The following COPS8 variants were observed in gnomAD, a reference collection of about 807,000 sequenced individuals.
COPS8 encodes COP9 signalosome complex subunit 8.
Under a neutral mutation model 31.5 loss-of-function variants are expected in COPS8, and 11 were observed. The observed-to-expected ratio is 0.35, with a 90% CI of 0.22 to 0.58. COPS8 has a LOEUF of 0.58. COPS8 is among the 20% of genes least tolerant of loss of function. The pLI is 0.83. For missense variants in COPS8, 215 were observed against 255.1 expected (o/e 0.84, Z 1.07); for synonymous variants, 81 against 89.3 (o/e 0.91, Z 0.52).
At position 237,097,778 on chromosome 2, in the gene COPS8, C is replaced by A; in HGVS notation, c.*36C>A. 1.4e-6 allele frequency: 2 copies of A among 1,450,756 alleles called. No homozygotes were observed. Among genetic ancestry groups the A allele is most frequent in the Non-Finnish European group, 9.7e-7 (1 of 1,035,242 alleles). 89.9% of individuals were successfully genotyped at this position (1,450,756 alleles called of 1,614,324 possible). ...TGAGTTCAAGATTCATCTTCAGAAT[C>A]CTGTATACTGACAAACGTAGAAATG... is the stretch of plus-strand genomic sequence containing the variant. On this transcript the variant is annotated 3_prime_UTR_variant, in exon 8 of 8. Coordinates refer to ENST00000354371, the MANE Select transcript of COPS8 (RefSeq NM_006710.5).
At chr2:237,095,510 T>G (rs548707818) in intron 5 of COPS8, among the ~76,000 whole-genome samples, 5 of 152,324 alleles carry the variant, frequency 3.3e-5, no homozygotes, top group Admixed American at 2.6e-4. Flanking sequence ...AGGCGCCATA[T>G]CAGTTTTCCT....
At chr2:237,096,311 C>G (rs1437243295) in intron 6 of COPS8, among the ~76,000 whole-genome samples, 1 of 152,178 alleles carries the variant, frequency 6.6e-6, no homozygotes, top group Non-Finnish European at 1.5e-5. Flanking sequence ...GTTAACTTCT[C>G]TAGCCCTCCT....
chr2:237,095,843 A>G lies in COPS8; in HGVS notation c.461A>G (p.Gln154Arg). ...AVKGILEQGW[Q>R]ADSTTRMVLP... ...TTAGGCATATTAGAACAAGGATGGC[A>G]AGCTGATTCCACCACAAGAATGGTT... Residue 154 changes from glutamine (Q) to arginine (R), a missense_variant, in exon 6 of 8, where the codon CAA (glutamine) becomes CGA (arginine). Coordinates refer to ENST00000354371, the MANE Select transcript of COPS8 (RefSeq NM_006710.5). 2 of 1,613,270 alleles carry G rather than the reference A, an allele frequency of 1.2e-6. No individual in the cohort carries two copies. Among genetic ancestry groups the G allele is most frequent in the Non-Finnish European group, 1.7e-6 (2 of 1,179,218 alleles).
chr2:237,086,014 T>C lies in COPS8; in HGVS notation c.50T>C (p.Leu17Pro). Residue 17 changes from leucine to proline, a missense_variant, in exon 1 of 8, where the codon CTG becomes CCG. By Grantham distance (98) the Leu-to-Pro change is moderately conservative. Coordinates refer to ENST00000354371, the MANE Select transcript of COPS8 (RefSeq NM_006710.5). ...AGCGCCTTTAGTTTCAAAAAGTTGC[T>C]GGATCAGTGCGAGAACCAGGAGCTC... The part of the protein sequence containing the change: ...AESAFSFKKL[L>P]DQCENQELEA... 6.2e-7 allele frequency: 1 copy of C among 1,613,868 alleles called. No homozygotes were observed. Among genetic ancestry groups the C allele is most frequent in the Non-Finnish European group, 8.5e-7 (1 of 1,179,834 alleles).
rs113189693 is a variant in COPS8, at chr2:237,092,786, A to T, written c.332-1304A>T. ...TGTCGGGCTCAGATGAGGGGAAGGGATGGGAGTGTCGGCAGTTTTTAAGGA... is the reference window on the plus strand; with the variant it reads ...TGTCGGGCTCAGATGAGGGGAAGGGTTGGGAGTGTCGGCAGTTTTTAAGGA... On this transcript the variant is annotated intron_variant, in intron 4 of 7. Transcript: ENST00000354371. 8.2e-3 allele frequency among the ~76,000 whole-genome samples: 1,255 copies of T among 152,178 alleles called. 9 individuals are homozygous for T. Among genetic ancestry groups the T allele is most frequent in the South Asian group, 0.017 (82 of 4,812 alleles).
rs1696835367 is a variant in COPS8 at position 237,098,007 on chromosome 2, C to T, written c.*265C>T. On this transcript the variant is annotated 3_prime_UTR_variant, in exon 8 of 8. Coordinates refer to ENST00000354371, the MANE Select transcript of COPS8 (RefSeq NM_006710.5). ...AGTATTACAGTTAGTTTTCTAGTGA[C>T]TCATAAAATAAGATTTCCTGTTTCA... The T allele has an allele frequency of 3.3e-6, 1 of 304,228 alleles. No individual in the cohort carries two copies. Among genetic ancestry groups the T allele is most frequent in the African/African-American group, 2.2e-5 (1 of 46,046 alleles). The allele number at this position is 304,228 out of a possible 1,614,324, so 18.8% of individuals were successfully genotyped here. A position where few individuals can be genotyped will look rare whatever the true frequency, so the allele number is the denominator to read the frequency against.
chr2:237,090,906 G>A lies in COPS8; in HGVS notation c.331+912G>A, dbSNP rs149637876. 9.2e-3 allele frequency among the ~76,000 whole-genome samples: 1,403 copies of A among 152,340 alleles called. 11 individuals carry two copies. The highest frequency in any genetic ancestry group is 0.013 in the Non-Finnish European group (913 of 68,026). On this transcript the variant is annotated intron_variant, in intron 4 of 7. Coordinates refer to ENST00000354371, the MANE Select transcript of COPS8 (RefSeq NM_006710.5). The stretch of plus-strand genomic sequence containing the variant: ...TAGATGGGAAGGGAGGAGTGTGGAA[G>A]AAGATTGCACAGGTACAGCAGGGGC...
Position 237,096,816 on chromosome 2 carries a change from A to G in COPS8, c.503-6A>G, listed in dbSNP as rs1409770077. The G allele has an allele frequency of 2.5e-6, 4 of 1,608,620 alleles. No homozygotes were observed. Among genetic ancestry groups the G allele is most frequent in the Non-Finnish European group, 3.4e-6 (4 of 1,176,964 alleles). The stretch of plus-strand genomic sequence containing the variant: ...ATTGAGCTGTACATTTTTTTTTTGA[A>G]TTTAGTTGCAGGGGCCCTGGATGTT... On this transcript the variant is annotated splice_polypyrimidine_tract_variant and splice_region_variant and intron_variant, in intron 6 of 7. Coordinates refer to ENST00000354371, the MANE Select transcript of COPS8 (RefSeq NM_006710.5).
chr2:237,088,766 TG>T, intron 3 of COPS8, 113 bp downstream of exon 3: 1 of 639,952 alleles, frequency 1.6e-6, no homozygotes, highest in South Asian at 2.2e-5. Flanking sequence ...GTCATCAGAT[TG>T]GTATTAAGGA....
chr2:237,091,972 A>G (rs1238505977), intron 4 of COPS8, among the ~76,000 whole-genome samples: 1 of 152,234 alleles, frequency 6.6e-6, no homozygotes, highest in Non-Finnish European at 1.5e-5. Context: ...CCTCCCTGGC[A>G]CACAGCATGG....
rs1469115260 is a variant in COPS8 at position 237,098,061 on chromosome 2, TC to T, written c.*320del. ...AGAATAGTGTTTGTCAACTGTCTTTTCTCTGTCCCAGCACATGCCGTACTCT... is the reference window on the plus strand; with the variant it reads ...AGAATAGTGTTTGTCAACTGTCTTTTTCTGTCCCAGCACATGCCGTACTCT... On this transcript the variant is annotated 3_prime_UTR_variant, in exon 8 of 8. Transcript: ENST00000354371. The T allele has an allele frequency of 1.7e-5, 4 of 236,468 alleles. No homozygotes were observed. The Admixed American group carries it at 2.1e-4, about 12-fold the overall frequency. 14.6% of individuals were successfully genotyped at this position (236,468 alleles called of 1,614,324 possible). A position where few individuals can be genotyped will look rare whatever the true frequency, so the allele number is the denominator to read the frequency against.
At chr2:237,090,899 T>C (rs747599212) in intron 4 of COPS8, among the ~76,000 whole-genome samples, 8 of 151,314 alleles carry the variant, frequency 5.3e-5, no homozygotes, top group Non-Finnish European at 1.2e-4. Context: ...AAGGGAGGAG[T>C]GTGGAAGAAG....
intron 7 of COPS8, 126 bp from the exon 8 acceptor site, chr2:237,097,537 C>T (rs1325388254): frequency 1.5e-6 from 1 of 661,840 alleles, no homozygotes; most frequent in Non-Finnish European, 2.6e-6. Context: ...TGTCTAAAAC[C>T]AGGACAAATC....
At chr2:237,088,552 T>G in intron 2 of COPS8, 53 bp from the exon 3 acceptor site, 9 of 1,342,962 alleles carry the variant, frequency 6.7e-6, no homozygotes, top group Non-Finnish European at 9.5e-6. Flanking sequence ...TAACATTTCC[T>G]GAGATGATTA....
At chr2:237,086,662 T>G (rs1696620487) in intron 1 of COPS8, 2 of 267,492 alleles carry the variant, frequency 7.5e-6, no homozygotes, top group Non-Finnish European at 5.8e-6. Context: ...ATAGATACTT[T>G]CCAGTTGAGT....
rs1479022364 is a variant in COPS8, at chr2:237,089,792, T to C, written c.199-70T>C. 4.9e-6 allele frequency: 7 copies of C among 1,430,302 alleles called. No individual in the cohort carries two copies. The East Asian group carries it at 1.6e-4, about 33-fold the overall frequency. 88.6% of individuals were successfully genotyped at this position (1,430,302 alleles called of 1,614,324 possible). On this transcript the variant is annotated intron_variant, in intron 3 of 7. Coordinates refer to ENST00000354371, the MANE Select transcript of COPS8 (RefSeq NM_006710.5). ...AAGTTTTTATATCATTTCTGGTATTTTGTTTTAAGATACAATCATTGGTGC... is the reference window on the plus strand; with the variant it reads ...AAGTTTTTATATCATTTCTGGTATTCTGTTTTAAGATACAATCATTGGTGC...
At chr2:237,086,167 G>A (rs557641946) in intron 1 of COPS8, 125 bp downstream of exon 1, 21 of 920,624 alleles carry the variant, frequency 2.3e-5, no homozygotes, top group East Asian at 1.3e-4. Context: ...GGGCGTGGGA[G>A]GTGGACGTGT....
At position 237,087,327 on chromosome 2, in the gene COPS8, G is replaced by A. The variant is rs1001109361; in HGVS notation, c.149+130G>A. 3.5e-5 allele frequency: 21 copies of A among 599,270 alleles called. 1 individual carries two copies. Among genetic ancestry groups the A allele is most frequent in the South Asian group, 1.2e-4 (5 of 41,582 alleles). The allele number at this position is 599,270 out of a possible 1,614,324, so 37.1% of individuals were successfully genotyped here. A position where few individuals can be genotyped will look rare whatever the true frequency, so the allele number is the denominator to read the frequency against. ...CTTTTTTATTACAGTAATTGTTAACGTCTATTTCCTATTGAATCATAGGTT... is the reference window on the plus strand; with the variant it reads ...CTTTTTTATTACAGTAATTGTTAACATCTATTTCCTATTGAATCATAGGTT... On this transcript the variant is annotated intron_variant, in intron 2 of 7. Coordinates refer to ENST00000354371, the MANE Select transcript of COPS8 (RefSeq NM_006710.5).
chr2:237,088,097 T>G (rs2106344120), intron 2 of COPS8, among the ~76,000 whole-genome samples: 1 of 152,344 alleles, frequency 6.6e-6, no homozygotes, highest in African/African-American at 2.4e-5. Flanking sequence ...GTAAGGTTTT[T>G]GTTTTTGTTT....
Sources: allele counts gnomAD v4.1 joint callset (sites outside exome capture counted in the v4.1 genomes callset), GRCh38; gene constraint gnomAD v4.1.1; transcripts MANE v1.5; gene names NCBI Gene and HGNC (gene_info 2026-07-23, HGNC 2026-07-21).